SRPRA: variants seen among roughly 807,000 people sequenced by gnomAD.
SRPRA encodes signal recognition particle receptor subunit alpha.
SRPRA carries 30 observed loss-of-function variants against 61.1 expected under a neutral mutation model. The ratio of observed to expected loss-of-function variants is 0.49; its 90% confidence interval spans 0.37 to 0.67. The LOEUF (loss-of-function observed/expected upper bound fraction) is 0.67. Among genes scored for constraint, SRPRA ranks in the 30% least tolerant of loss-of-function variants. The pLI is 0.00. For synonymous variants in SRPRA, 324 were observed against 299.7 expected (o/e 1.08, Z -0.84); for missense variants, 759 against 828.4 (o/e 0.92, Z 1.03).
the SRPRA span, among the ~76,000 whole-genome samples, chr11:126,242,678 CA>C: frequency 4.6e-5 from 7 of 152,200 alleles, no homozygotes; most frequent in Non-Finnish European, 8.8e-5. Context: ...ATCAAAACCA[CA>C]ACAAGGTGCC....
chr11:126,249,745 A>G, the SRPRA span, among the ~76,000 whole-genome samples: 1 of 150,312 alleles, frequency 6.7e-6, no homozygotes, highest in Admixed American at 6.6e-5. Flanking sequence ...AAAAAAAAAA[A>G]AAAAAAAAAG....
chr11:126,255,490 T>TC, the SRPRA span, among the ~76,000 whole-genome samples: 1 of 151,616 alleles, frequency 6.6e-6, no homozygotes, highest in African/African-American at 2.4e-5. The surrounding 1 kb of genome is among the most constrained non-coding windows in gnomAD (Gnocchi z 4.6). Flanking sequence ...TGTATATGTA[T>TC]ACACACACAC....
chr11:126,264,323 A>G lies in SRPRA; in HGVS notation c.1690-34T>C. On this transcript the variant is annotated intron_variant, in intron 12 of 13. Transcript: ENST00000332118. The surrounding 1 kb of genome is among the most constrained non-coding windows in gnomAD (Gnocchi z 5.0). The stretch of plus-strand genomic sequence containing the variant: ...AAAAAGTGATAGAAGTGTAAGAACC[A>G]TCTAAATTGACCAAAGCTCAAGTTG... 6.2e-7 allele frequency: 1 copy of G among 1,613,536 alleles called. No homozygotes were observed. The highest frequency in any genetic ancestry group is 2.2e-5 in the East Asian group (1 of 44,862).
In SRPRA at chr11:126,265,930, C is replaced by A. The variant is rs761681547; in HGVS notation, c.1051+33G>T. 6.2e-7 allele frequency: 1 copy of A among 1,611,942 alleles called. No individual in the cohort carries two copies. Among genetic ancestry groups the A allele is most frequent in the East Asian group, 2.2e-5 (1 of 44,868 alleles). The stretch of plus-strand genomic sequence containing the variant: ...TCTGCTCTCAACTACCCCTATCCCG[C>A]GAGTATGAGTCAGCCCGGTCCTCAG... On this transcript the variant is annotated intron_variant, in intron 8 of 13. Coordinates refer to ENST00000332118, the MANE Select transcript of SRPRA (RefSeq NM_003139.4). The surrounding 1 kb of genome is among the most constrained non-coding windows in gnomAD (Gnocchi z 6.3).
At chr11:126,245,506 C>T in the SRPRA span, among the ~76,000 whole-genome samples, 9 of 151,964 alleles carry the variant, frequency 5.9e-5, no homozygotes, top group South Asian at 2.1e-4. Context: ...GACTTTGAAA[C>T]GGAAGTGCTG....
chr11:126,264,824 G>A lies in SRPRA; in HGVS notation c.1525+135C>T. The A allele has an allele frequency of 1.1e-6, 1 of 896,796 alleles. No individual in the cohort carries two copies. Among genetic ancestry groups the A allele is most frequent in the Non-Finnish European group, 1.7e-6 (1 of 604,490 alleles). 55.6% of individuals were successfully genotyped at this position (896,796 alleles called of 1,614,324 possible). A position where few individuals can be genotyped will look rare whatever the true frequency, so the allele number is the denominator to read the frequency against. ...GTTATCCAAAAGCAGAGCATGGCAA[G>A]TAACTGATCTGACTTTTTACTGTAA... is the stretch of plus-strand genomic sequence containing the variant. On this transcript the variant is annotated intron_variant, in intron 11 of 13. Transcript: ENST00000332118. The surrounding 1 kb of genome is among the most constrained non-coding windows in gnomAD (Gnocchi z 5.0).
chr11:126,265,389 A>G lies in SRPRA; in HGVS notation c.1190T>C (p.Leu397Pro). The G allele has an allele frequency of 6.2e-7, 1 of 1,614,072 alleles. No individual in the cohort carries two copies. Among genetic ancestry groups the G allele is most frequent in the Non-Finnish European group, 8.5e-7 (1 of 1,180,036 alleles). ...CATGTCTACACGACGCTGTGGCTGCAGAATCTGCACCAGGGACTCCTGTAG... is the reference window on the plus strand; with the variant it reads ...CATGTCTACACGACGCTGTGGCTGCGGAATCTGCACCAGGGACTCCTGTAG... ...QALQESLVQI[L>P]QPQRRVDMLR... Residue 397 changes from leucine to proline, a missense_variant, in exon 10 of 14, where the codon CTG becomes CCG. Leu to Pro is a moderately conservative substitution (Grantham distance 98). Coordinates refer to ENST00000332118, the MANE Select transcript of SRPRA (RefSeq NM_003139.4). This position sits in a 1 kb window ranked among gnomAD's most constrained non-coding sequence, Gnocchi z 6.3.
At position 126,266,260 on chromosome 11, in the gene SRPRA, C is replaced by G. The variant is rs770627887; in HGVS notation, c.859G>C (p.Gly287Arg). 2.2e-5 allele frequency: 36 copies of G among 1,614,092 alleles called. No individual in the cohort carries two copies. Among genetic ancestry groups the G allele is most frequent in the Non-Finnish European group, 2.9e-5 (34 of 1,180,054 alleles). ...CAGTCCAGATCCTGAAGCTGCCCCC[C>G]AGACCCAGTCCCTCGAATCTGGAAG... is the stretch of plus-strand genomic sequence containing the variant. The part of the protein sequence containing the change: ...DINLIRGTGS[G>R]GQLQDLDCSS... The change falls in exon 7 of 14, where the codon GGG becomes CGG. Residue 287 changes from glycine to arginine, a missense_variant. Coordinates refer to ENST00000332118, the MANE Select transcript of SRPRA (RefSeq NM_003139.4).
At chr11:126,244,821 G>A in the SRPRA span, among the ~76,000 whole-genome samples, 1 of 151,734 alleles carries the variant, frequency 6.6e-6, no homozygotes, top group Non-Finnish European at 1.5e-5. The surrounding 1 kb of genome is among the most constrained non-coding windows in gnomAD (Gnocchi z 4.5). Flanking sequence ...AAATAAATAA[G>A]TGGAGAACTT....
the SRPRA span, among the ~76,000 whole-genome samples, chr11:126,244,751 C>G: frequency 6.6e-6 from 1 of 152,132 alleles, no homozygotes; most frequent in South Asian, 2.1e-4. This position sits in a 1 kb window ranked among gnomAD's most constrained non-coding sequence, Gnocchi z 4.5. Context: ...TGCAGCGAGC[C>G]AGGATCCCTC....
At chr11:126,268,441 G>A (rs1184097797) in intron 1 of SRPRA, among the ~76,000 whole-genome samples, 1 of 152,196 alleles carries the variant, frequency 6.6e-6, no homozygotes, top group Non-Finnish European at 1.5e-5. Context: ...GATAAATAGA[G>A]GGAGCGGAGG....
chr11:126,265,180 A>T lies in SRPRA; in HGVS notation c.1312-8T>A. 6.2e-7 allele frequency: 1 copy of T among 1,614,180 alleles called. No homozygotes were observed. Among genetic ancestry groups the T allele is most frequent in the Non-Finnish European group, 8.5e-7 (1 of 1,180,000 alleles). On this transcript the variant is annotated splice_polypyrimidine_tract_variant and splice_region_variant and intron_variant, in intron 10 of 13. Transcript: ENST00000332118. The surrounding 1 kb of genome is among the most constrained non-coding windows in gnomAD (Gnocchi z 6.3). ...TAACAACCAGAAGGAAATCTGTGAA[A>T]AAGACGTAAGAAAAGTCACCTAAAG...
At chr11:126,250,599 C>T in the SRPRA span, 2 of 1,613,594 alleles carry the variant, frequency 1.2e-6, no homozygotes, top group Non-Finnish European at 1.7e-6. This position sits in a 1 kb window ranked among gnomAD's most constrained non-coding sequence, Gnocchi z 5.1. Context: ...TGGAAAACAG[C>T]TACTTCAGTC....
In SRPRA at chr11:126,265,083, TGTACGCA is replaced by T; in HGVS notation, c.1394_1400del (p.Leu465HisfsTer6). The T allele has an allele frequency of 6.2e-7, 1 of 1,614,160 alleles. No homozygotes were observed. On this transcript the variant is annotated frameshift_variant, in exon 11 of 14. Coordinates refer to ENST00000332118, the MANE Select transcript of SRPRA (RefSeq NM_003139.4). LOFTEE classifies it high-confidence loss of function. The surrounding 1 kb of genome is among the most constrained non-coding windows in gnomAD (Gnocchi z 6.3). ...GTAGGGCACTCAAACGCCGGGTGTGTGTACGCAGCTGCTCCACGGCCCCAGCACGAAA... is the reference window on the plus strand; with the variant it reads ...GTAGGGCACTCAAACGCCGGGTGTGTGCTGCTCCACGGCCCCAGCACGAAA...
the SRPRA span, among the ~76,000 whole-genome samples, chr11:126,249,177 C>A: frequency 3.9e-5 from 6 of 152,014 alleles, no homozygotes; most frequent in East Asian, 1.2e-3. Context: ...GAATTCAAGA[C>A]CTACCTGGAC....
chr11:126,254,175 TTGTCCTATATCATGAAGCTA>T, the SRPRA span: 3 of 1,126,956 alleles, frequency 2.7e-6, no homozygotes, highest in Non-Finnish European at 3.7e-6. Context: ...TTTTGCATTC[TTGTCCTATATCATGAAGCTA>T]GAGAGTTTAT....
Position 126,264,060 on chromosome 11 carries a change from G to A in SRPRA, c.1789-16C>T, listed in dbSNP as rs769044324. On this transcript the variant is annotated splice_polypyrimidine_tract_variant and intron_variant, in intron 13 of 13. Coordinates refer to ENST00000332118, the MANE Select transcript of SRPRA (RefSeq NM_003139.4). This position sits in a 1 kb window ranked among gnomAD's most constrained non-coding sequence, Gnocchi z 5.0. Reference sequence around the variant, plus strand: ...CAGCTCCCACCTAAGTGGAGAAAGAGGACAGCCCATCAACACAAGCCCACT... The same window carrying A: ...CAGCTCCCACCTAAGTGGAGAAAGAAGACAGCCCATCAACACAAGCCCACT... 3 of 1,614,006 alleles carry A rather than the reference G, an allele frequency of 1.9e-6. No individual in the cohort carries two copies. Among genetic ancestry groups the A allele is most frequent in the Admixed American group, 3.3e-5 (2 of 60,020 alleles).
At chr11:126,239,079 C>T in the SRPRA span, among the ~76,000 whole-genome samples, 1 of 150,566 alleles carries the variant, frequency 6.6e-6, no homozygotes, top group South Asian at 2.1e-4. Flanking sequence ...CTCACGTGAT[C>T]CTCCCGTGAA....
intron 1 of SRPRA, 79 bp downstream of exon 1, chr11:126,268,609 G>T: frequency 8.2e-7 from 1 of 1,218,778 alleles, no homozygotes; most frequent in Non-Finnish European, 1.2e-6. Context: ...GTGGGAGGAG[G>T]CGCGGAATAG....
Sources: gnomAD v4.1 joint callset for allele counts (sites outside exome capture counted in the v4.1 genomes callset) on GRCh38, gnomAD v4.1.1 for gene constraint, Gnocchi (gnomAD v3.1) non-coding constraint, MANE v1.5 for transcripts, NCBI Gene and HGNC (gene_info 2026-07-23, HGNC 2026-07-21) for gene names.